The following UNC5D variants were observed in gnomAD, a reference collection of about 807,000 sequenced individuals.
UNC5D encodes the protein unc-5 netrin receptor D, also known as netrin receptor UNC5D.
Under a neutral mutation model 105.4 loss-of-function variants are expected in UNC5D, and 39 were observed. The observed-to-expected ratio is 0.37, with a 90% CI of 0.29 to 0.48. The LOEUF (loss-of-function observed/expected upper bound fraction) is 0.48. Among genes scored for constraint, UNC5D ranks in the 20% least tolerant of loss-of-function variants. The pLI is 0.98. For synonymous variants in UNC5D, 452 were observed against 450.4 expected (o/e 1.00, Z -0.04); for missense variants, 991 against 1,202.4 (o/e 0.82, Z 2.60).
intron 1 of UNC5D, among the ~76,000 whole-genome samples, chr8:35,494,224 C>T (rs79081262): frequency 6.6e-6 from 1 of 152,110 alleles, no homozygotes; most frequent in Non-Finnish European, 1.5e-5. Flanking sequence ...GATGCTATTT[C>T]TGATAATAAA....
chr8:35,316,055 C>T (rs112612558), intron 1 of UNC5D, among the ~76,000 whole-genome samples: 14 of 152,074 alleles, frequency 9.2e-5, no homozygotes, highest in African/African-American at 3.1e-4. Context: ...TAGGGAGGCA[C>T]GATTGGAAAT....
chr8:35,613,094 T>G (rs1333013606), intron 4 of UNC5D, among the ~76,000 whole-genome samples: 2 of 152,140 alleles, frequency 1.3e-5, no homozygotes, highest in East Asian at 3.9e-4. Context: ...TGTATTTTGC[T>G]TAAGACAGAA....
chr8:35,737,252 CTGTG>C (rs369792188), intron 11 of UNC5D, among the ~76,000 whole-genome samples: 11,964 of 119,694 alleles, frequency 0.1, 527 homozygotes, highest in Middle Eastern at 0.13. Flanking sequence ...AAGATCTGCT[CTGTG>C]TGTGTGTGTG....
chr8:35,662,704 C>T (rs1033801812), intron 4 of UNC5D, among the ~76,000 whole-genome samples: 16 of 152,152 alleles, frequency 1.1e-4, no homozygotes, highest in Non-Finnish European at 4.4e-5. Context: ...GTTATATAAA[C>T]GGTCACTCTG....
chr8:35,564,932 GT>G (rs1290930863), intron 2 of UNC5D, among the ~76,000 whole-genome samples: 1 of 151,950 alleles, frequency 6.6e-6, no homozygotes, highest in African/African-American at 2.4e-5. Context: ...TGATTTCATT[GT>G]TTTTTTGTGG....
At chr8:35,528,150 C>T (rs900806999) in intron 1 of UNC5D, among the ~76,000 whole-genome samples, 3 of 147,378 alleles carry the variant, frequency 2.0e-5, no homozygotes, top group Non-Finnish European at 4.5e-5. Flanking sequence ...CACCCACTAA[C>T]TCGTCATCTA....
chr8:35,692,693 G>A (rs780904354), intron 7 of UNC5D, among the ~76,000 whole-genome samples: 6 of 152,082 alleles, frequency 3.9e-5, no homozygotes, highest in African/African-American at 7.2e-5. Flanking sequence ...TAATGATAGC[G>A]TAGTTAAACT....
intron 1 of UNC5D, among the ~76,000 whole-genome samples, chr8:35,475,624 T>G (rs1810034952): frequency 6.6e-6 from 1 of 152,204 alleles, no homozygotes. Context: ...GAGGTACATG[T>G]CAACACCTTT....
chr8:35,691,447 A>G lies in UNC5D; in HGVS notation c.1084+4738A>G, dbSNP rs75911664. Among the ~76,000 whole-genome samples the G allele has an allele frequency of 8.6e-3, 1,309 of 152,314 alleles. 20 individuals are homozygous for G. The highest frequency in any genetic ancestry group is 0.03 in the African/African-American group (1,247 of 41,566). On this transcript the variant is annotated intron_variant, in intron 7 of 16. Transcript: ENST00000404895. ...GGCTGCAGTGAGCTATGATTGCTCC[A>G]CTGCACTCCATCCTGGCTGACAAAG...
Position 35,474,265 on chromosome 8 carries a change from A to T in UNC5D, c.104-75027A>T, listed in dbSNP as rs1327619700. 4.6e-5 allele frequency among the ~76,000 whole-genome samples: 7 copies of T among 152,176 alleles called. No individual in the cohort carries two copies. The East Asian group carries it at 1.3e-3, about 29-fold the overall frequency. On this transcript the variant is annotated intron_variant, in intron 1 of 16. Transcript: ENST00000404895. ...TCCTAGTTGTTTACCACAGTTCTTA[A>T]CCATGTCTATTTTCTGATCCTTCAT...
At chr8:35,432,585 G>A (rs1806715885) in intron 1 of UNC5D, among the ~76,000 whole-genome samples, 1 of 152,130 alleles carries the variant, frequency 6.6e-6, no homozygotes, top group African/African-American at 2.4e-5. Context: ...ACAACTTGGG[G>A]TTAGCTCATA....
chr8:35,637,093 C>T (rs1822427306), intron 4 of UNC5D, among the ~76,000 whole-genome samples: 1 of 152,160 alleles, frequency 6.6e-6, no homozygotes, highest in Non-Finnish European at 1.5e-5. Context: ...CAATTCATTG[C>T]TATTAGTTTT....
chr8:35,746,350 A>G (rs1484267837), intron 11 of UNC5D, among the ~76,000 whole-genome samples: 1 of 152,118 alleles, frequency 6.6e-6, no homozygotes, highest in Non-Finnish European at 1.5e-5. Flanking sequence ...AAAAGGGCAT[A>G]TTGTTATTAA....
At chr8:35,456,606 A>T (rs1214584526) in intron 1 of UNC5D, among the ~76,000 whole-genome samples, 1 of 152,180 alleles carries the variant, frequency 6.6e-6, no homozygotes, top group Non-Finnish European at 1.5e-5. Flanking sequence ...TTTCAGTGTG[A>T]CTTGTCAAAG....
intron 1 of UNC5D, among the ~76,000 whole-genome samples, chr8:35,494,669 G>T (rs950395196): frequency 7.9e-5 from 12 of 152,178 alleles, no homozygotes; most frequent in Non-Finnish European, 1.6e-4. Flanking sequence ...GCTGTGCCTT[G>T]CATAAGTTGA....
intron 1 of UNC5D, among the ~76,000 whole-genome samples, chr8:35,353,120 A>G (rs987144698): frequency 6.6e-6 from 1 of 152,182 alleles, no homozygotes; most frequent in Non-Finnish European, 1.5e-5. Context: ...AATTCAAAAG[A>G]CCAACGGAAC....
chr8:35,729,840 T>G (rs1231725908), intron 10 of UNC5D, among the ~76,000 whole-genome samples: 1 of 152,222 alleles, frequency 6.6e-6, no homozygotes, highest in Non-Finnish European at 1.5e-5. Context: ...AAACGTGCCT[T>G]ATTCTTAGTG....
chr8:35,479,238 T>G (rs918255600), intron 1 of UNC5D, among the ~76,000 whole-genome samples: 2 of 151,936 alleles, frequency 1.3e-5, no homozygotes, highest in Non-Finnish European at 2.9e-5. Flanking sequence ...CCATTAGGAG[T>G]CTTTGATTCC....
At chr8:35,423,443 C>T (rs551341382) in intron 1 of UNC5D, among the ~76,000 whole-genome samples, 33 of 152,344 alleles carry the variant, frequency 2.2e-4, no homozygotes, top group Non-Finnish European at 4.0e-4. Context: ...CTTTTACACA[C>T]ATAAGCCCTG....
Sources: allele counts gnomAD v4.1 joint callset (sites outside exome capture counted in the v4.1 genomes callset), GRCh38; gene constraint gnomAD v4.1.1; transcripts MANE v1.5; gene names NCBI Gene and HGNC (gene_info 2026-07-23, HGNC 2026-07-21).